Variants in ZBTB20 observed in about 807,000 individuals in gnomAD.
ZBTB20 encodes zinc finger and BTB domain containing 20.
ZBTB20 carries 9 observed loss-of-function variants against 56.9 expected under a neutral mutation model. The observed-to-expected ratio is 0.16, with a 90% CI of 0.10 to 0.28. The LOEUF is 0.28. Among genes scored for constraint, ZBTB20 ranks in the 10% least tolerant of loss-of-function variants. ZBTB20 has a pLI of 1.00. For missense variants in ZBTB20, 655 were observed against 1,003.0 expected, an observed-to-expected ratio of 0.65 and a Z score of 4.69; for synonymous variants, 417 against 420.7, an observed-to-expected ratio of 0.99 and a Z score of 0.11.
chr3:115,013,908 A>G (rs999012922), intron 2 of ZBTB20, among the ~76,000 whole-genome samples: 26 of 147,754 alleles, frequency 1.8e-4, no homozygotes, highest in African/African-American at 2.7e-4. Flanking sequence ...CAATCCCTAT[A>G]TGTGTGTGTG....
intron 4 of ZBTB20, among the ~76,000 whole-genome samples, chr3:114,893,957 T>C (rs952061868): frequency 2.0e-5 from 3 of 152,162 alleles, no homozygotes; most frequent in Admixed American, 1.3e-4. Context: ...AGTAAACACG[T>C]CGGCAGTCAG....
chr3:114,889,111 T>G (rs2076713073), intron 4 of ZBTB20, among the ~76,000 whole-genome samples: 1 of 152,014 alleles, frequency 6.6e-6, no homozygotes, highest in South Asian at 2.1e-4. Context: ...CAAATATGAA[T>G]GTGTGAAATA....
chr3:114,653,089 A>C (rs1415143858), intron 6 of ZBTB20, among the ~76,000 whole-genome samples: 1 of 151,942 alleles, frequency 6.6e-6, no homozygotes, highest in African/African-American at 2.4e-5. Flanking sequence ...AATAAACACA[A>C]TGTTACTTCT....
chr3:114,753,335 A>AC (rs1368362726), intron 5 of ZBTB20, among the ~76,000 whole-genome samples: 5 of 144,972 alleles, frequency 3.4e-5, no homozygotes, highest in East Asian at 2.0e-4. Flanking sequence ...CTGTATATAT[A>AC]ATGTATATAT....
chr3:114,554,886 C>G (rs901069897), intron 6 of ZBTB20, among the ~76,000 whole-genome samples: 2 of 152,114 alleles, frequency 1.3e-5, no homozygotes, highest in Non-Finnish European at 2.9e-5. Context: ...AAATTAGAAA[C>G]TAATCATCAC....
At chr3:114,924,421 G>T (rs1364124670) in intron 3 of ZBTB20, among the ~76,000 whole-genome samples, 5 of 152,150 alleles carry the variant, frequency 3.3e-5, no homozygotes. Context: ...CAACATGAAT[G>T]AATCTGTAAG....
At chr3:114,509,137 C>T (rs1433447439) in intron 6 of ZBTB20, among the ~76,000 whole-genome samples, 1 of 152,108 alleles carries the variant, frequency 6.6e-6, no homozygotes, top group African/African-American at 2.4e-5. Flanking sequence ...TTACTTTCTG[C>T]TTCCCCCACC....
chr3:114,683,517 A>T (rs553037252), intron 6 of ZBTB20, among the ~76,000 whole-genome samples: 5 of 152,308 alleles, frequency 3.3e-5, no homozygotes, highest in African/African-American at 1.2e-4. Flanking sequence ...CTTAGAAGGT[A>T]ATCTCAGAGG....
chr3:114,945,458 G>T (rs367884321), intron 3 of ZBTB20, among the ~76,000 whole-genome samples: 1 of 145,102 alleles, frequency 6.9e-6, no homozygotes, highest in African/African-American at 2.8e-5. Context: ...CAAAAAATGA[G>T]AGAGGGACAA....
intron 4 of ZBTB20, among the ~76,000 whole-genome samples, chr3:114,804,953 GT>G (rs1442302551): frequency 8.6e-5 from 13 of 151,602 alleles, no homozygotes; most frequent in Admixed American, 2.6e-4. Flanking sequence ...TTTATAACTG[GT>G]TAGTTTGAAT....
intron 2 of ZBTB20, among the ~76,000 whole-genome samples, chr3:114,976,149 C>G (rs772014192): frequency 6.6e-6 from 1 of 152,110 alleles, no homozygotes; most frequent in Non-Finnish European, 1.5e-5. Flanking sequence ...AGACAATAAA[C>G]AAATAAACTG....
intron 7 of ZBTB20, among the ~76,000 whole-genome samples, chr3:114,396,965 C>T (rs115424845): frequency 1.7e-3 from 260 of 152,200 alleles, no homozygotes; most frequent in Non-Finnish European, 2.7e-3. Context: ...ACTCACTTTC[C>T]CAGAAGCCCA....
chr3:114,390,883 C>G (rs1439968026), intron 7 of ZBTB20, among the ~76,000 whole-genome samples: 2 of 152,176 alleles, frequency 1.3e-5, no homozygotes, highest in Admixed American at 6.5e-5. Flanking sequence ...AATTCATTGT[C>G]TTTCCTTTAA....
chr3:114,715,103 T>C (rs1393687347), intron 5 of ZBTB20, among the ~76,000 whole-genome samples: 4 of 152,222 alleles, frequency 2.6e-5, no homozygotes, highest in Non-Finnish European at 4.4e-5. Flanking sequence ...TCAGAGACTA[T>C]AGTCATCAAG....
At chr3:114,808,630 T>A (rs969933844) in intron 4 of ZBTB20, among the ~76,000 whole-genome samples, 27 of 151,976 alleles carry the variant, frequency 1.8e-4, no homozygotes, top group African/African-American at 6.5e-4. Flanking sequence ...AAAAACTAAG[T>A]TTTGGTTTCA....
rs115737220 is a variant in ZBTB20, at chr3:114,807,494, T to C, written c.-416-6320A>G. ...TCTAATTTGCTTCTCTCTCTCTTTC[T>C]TACATGTATTTATCATTCTGCACTG... On this transcript the variant is annotated intron_variant, in intron 4 of 11. Coordinates refer to ENST00000675478, the MANE Select transcript of ZBTB20 (RefSeq NM_001348800.3). Among the ~76,000 whole-genome samples, 1,058 of 151,734 alleles carry C rather than the reference T, an allele frequency of 7.0e-3. 6 individuals carry two copies. The highest frequency in any genetic ancestry group is 0.023 in the African/African-American group (950 of 41,378).
chr3:114,669,587 G>C (rs1379751374), intron 6 of ZBTB20, among the ~76,000 whole-genome samples: 1 of 151,242 alleles, frequency 6.6e-6, no homozygotes, highest in Non-Finnish European at 1.5e-5. Flanking sequence ...TCCTGCTATG[G>C]AGACATTCTG....
intron 7 of ZBTB20, among the ~76,000 whole-genome samples, chr3:114,419,980 G>A (rs1446280957): frequency 6.6e-6 from 1 of 152,142 alleles, no homozygotes; most frequent in African/African-American, 2.4e-5. Context: ...AGTTTTTACA[G>A]TACATAATTT....
chr3:114,379,399 A>G (rs2084041795), intron 10 of ZBTB20, among the ~76,000 whole-genome samples: 1 of 152,222 alleles, frequency 6.6e-6, no homozygotes, highest in Non-Finnish European at 1.5e-5. Context: ...TCCATTGTCA[A>G]CACACATGTT....
Sources: allele counts gnomAD v4.1 joint callset (sites outside exome capture counted in the v4.1 genomes callset), GRCh38; gene constraint gnomAD v4.1.1; transcripts MANE v1.5; gene names NCBI Gene and HGNC (gene_info 2026-07-23, HGNC 2026-07-21).